Variants in SUSD6 observed in about 807,000 individuals in gnomAD.
SUSD6 encodes the protein sushi domain-containing protein 6.
SUSD6 carries 16 observed loss-of-function variants against 28.4 expected under a neutral mutation model. The ratio of observed to expected loss-of-function variants is 0.56; its 90% CI spans 0.38 to 0.86. SUSD6 has a LOEUF of 0.86. Ranked by LOEUF, SUSD6 falls within the 40% of genes least tolerant of loss-of-function variation. The pLI is 0.00. For missense variants in SUSD6, 341 were observed against 384.2 expected (o/e 0.89, Z 0.94); for synonymous variants, 147 against 159.6 (o/e 0.92, Z 0.59).
chr14:69,689,094 C>T (rs888375351), intron 2 of SUSD6, among the ~76,000 whole-genome samples: 5 of 152,166 alleles, frequency 3.3e-5, no homozygotes, highest in Admixed American at 6.5e-5. Flanking sequence ...CCTTTATCCC[C>T]GTCATAATCC....
At chr14:69,691,696 C>T (rs1886155100) in intron 2 of SUSD6, among the ~76,000 whole-genome samples, 1 of 152,140 alleles carries the variant, frequency 6.6e-6, no homozygotes, top group Admixed American at 6.6e-5. Flanking sequence ...AGGTCACATC[C>T]CCATTCTGCA....
At chr14:69,683,277 C>A (rs1398023004) in intron 2 of SUSD6, among the ~76,000 whole-genome samples, 1 of 152,106 alleles carries the variant, frequency 6.6e-6, no homozygotes, top group African/African-American at 2.4e-5. Context: ...GAGGTAACAG[C>A]CCTTCCAGAC....
At position 69,709,104 on chromosome 14, in the gene SUSD6, G is replaced by A. The variant is rs562259531; in HGVS notation, c.886G>A (p.Asp296Asn). The A allele has an allele frequency of 1.9e-6, 3 of 1,573,666 alleles. No individual in the cohort carries two copies. The South Asian group carries it at 3.5e-5, about 18-fold the overall frequency. ...CCTCACGTCAGAGGAGTACACAGATGGTGAGTGGTCCAAGCTGAACATGAA... is the reference window on the plus strand; with the variant it reads ...CCTCACGTCAGAGGAGTACACAGATAGTGAGTGGTCCAAGCTGAACATGAA... ...LSLTSEEYTDDIPLLKEA is the reference protein window; with the variant it reads ...LSLTSEEYTDNIPLLKEA Residue 296 changes from aspartate to asparagine, a missense_variant and splice_region_variant, in exon 5 of 6, where the codon GAT becomes AAT. Transcript: ENST00000342745.
chr14:69,613,729 G>T (rs10148264), intron 1 of SUSD6, among the ~76,000 whole-genome samples: 6,104 of 152,262 alleles, frequency 0.04, 436 homozygotes, highest in African/African-American at 0.14. Flanking sequence ...GACAGTATTG[G>T]TATGAGTCCT....
In SUSD6 at chr14:69,713,731, C is replaced by T. The variant is rs928822804; in HGVS notation, c.*2752C>T. 6.6e-6 allele frequency: 1 copy of T among 152,178 alleles called. No homozygotes were observed. Among genetic ancestry groups the T allele is most frequent in the Admixed American group, 6.5e-5 (1 of 15,274 alleles). 9.4% of individuals were successfully genotyped at this position (152,178 alleles called of 1,614,324 possible). On this transcript the variant is annotated 3_prime_UTR_variant, in exon 6 of 6. Coordinates refer to ENST00000342745, the MANE Select transcript of SUSD6 (RefSeq NM_014734.4). ...GGCCACAGCCCTGCTTTACCGGGCTCACCTCTAGGGCATTCCAGCAAGAGG... is the reference window on the plus strand; with the variant it reads ...GGCCACAGCCCTGCTTTACCGGGCTTACCTCTAGGGCATTCCAGCAAGAGG...
chr14:69,663,793 C>T (rs906344005), intron 2 of SUSD6, among the ~76,000 whole-genome samples: 10 of 152,114 alleles, frequency 6.6e-5, no homozygotes, highest in African/African-American at 1.9e-4. Flanking sequence ...CTGGGAGCCA[C>T]GCTACCTGTG....
At chr14:69,649,883 G>T (rs894012766) in intron 1 of SUSD6, among the ~76,000 whole-genome samples, 6 of 152,174 alleles carry the variant, frequency 3.9e-5, no homozygotes, top group African/African-American at 1.4e-4. Context: ...GGAAGCAGGA[G>T]GAGGAAAGAC....
Position 69,703,484 on chromosome 14 carries a change from G to A in SUSD6, c.211G>A (p.Glu71Lys), listed in dbSNP as rs747358560. 12 of 1,614,016 alleles carry A rather than the reference G, an allele frequency of 7.4e-6. No homozygotes were observed. The highest frequency in any genetic ancestry group is 3.3e-5 in the Admixed American group (2 of 60,000). The change falls in exon 3 of 6, where the codon GAA (glutamate) becomes AAA (lysine). Residue 71 changes from glutamate (E) to lysine (K), a missense_variant. Coordinates refer to ENST00000342745, the MANE Select transcript of SUSD6 (RefSeq NM_014734.4). ...RDPLTAGSVI[E>K]YLCAEGYMLK... The stretch of plus-strand genomic sequence containing the variant: ...CCCCCTGACAGCAGGCAGTGTCATC[G>A]AATACCTGTGTGCTGAAGGCTACAT...
intron 2 of SUSD6, among the ~76,000 whole-genome samples, chr14:69,675,094 C>T (rs979507992): frequency 6.6e-6 from 1 of 151,670 alleles, no homozygotes; most frequent in Non-Finnish European, 1.5e-5. Flanking sequence ...TCAGCTTTTT[C>T]ATTTACTGGA....
chr14:69,649,502 C>A (rs768455905), intron 1 of SUSD6, among the ~76,000 whole-genome samples: 2 of 152,216 alleles, frequency 1.3e-5, no homozygotes, highest in African/African-American at 4.8e-5. Context: ...TTTATATAAT[C>A]TTTTCCCTCT....
chr14:69,702,992 T>G (rs958521968), intron 2 of SUSD6, among the ~76,000 whole-genome samples: 3 of 152,186 alleles, frequency 2.0e-5, no homozygotes, highest in African/African-American at 7.2e-5. Flanking sequence ...TTTTCTGACA[T>G]TGATAGTGGA....
intron 1 of SUSD6, among the ~76,000 whole-genome samples, chr14:69,650,052 G>A (rs953201131): frequency 5.9e-5 from 9 of 152,168 alleles, no homozygotes; most frequent in Non-Finnish European, 1.2e-4. Flanking sequence ...TGGAGGGGAG[G>A]TAGTGCTAAG....
At chr14:69,694,036 C>G (rs149712076) in intron 2 of SUSD6, among the ~76,000 whole-genome samples, 3 of 152,206 alleles carry the variant, frequency 2.0e-5, no homozygotes. Context: ...TTGCAAGTCA[C>G]GTTGGTTTTC....
intron 1 of SUSD6, among the ~76,000 whole-genome samples, chr14:69,623,266 GTAATAACA>G (rs1885067766): frequency 6.6e-6 from 1 of 152,174 alleles, no homozygotes. Flanking sequence ...CATGTGCAGT[GTAATAACA>G]TTTTGCTGCA....
chr14:69,708,685 A>T lies in SUSD6; in HGVS notation c.467A>T (p.Gln156Leu). Reference sequence around the variant, plus strand: ...TTCCTCCTCCACTCCAGGCGTGACCAGGGGGTATCTGGGGACCAGGTCTCC... The same window carrying T: ...TTCCTCCTCCACTCCAGGCGTGACCTGGGGGTATCTGGGGACCAGGTCTCC... ...LKSFHHSRRD[Q>L]GVSGDQVSIM... The change falls in exon 5 of 6, where the codon CAG (glutamine) becomes CTG (leucine). Residue 156 changes from glutamine (Q) to leucine (L), a missense_variant. By Grantham distance (113) the Gln-to-Leu change is moderately radical (BLOSUM62 -2). Transcript: ENST00000342745. 1 of 1,573,666 alleles carries T rather than the reference A, an allele frequency of 6.4e-7. No individual in the cohort carries two copies. The highest frequency in any genetic ancestry group is 8.6e-7 in the Non-Finnish European group (1 of 1,157,884).
At chr14:69,612,421 A>C (rs3784142) in intron 1 of SUSD6, among the ~76,000 whole-genome samples, 16,226 of 152,170 alleles carry the variant, frequency 0.11, 2,375 homozygotes, top group African/African-American at 0.32. Context: ...GAAACCAGCT[A>C]TTTTCTTTCA....
chr14:69,666,591 T>A (rs1885745047), intron 2 of SUSD6, among the ~76,000 whole-genome samples: 1 of 152,242 alleles, frequency 6.6e-6, no homozygotes, highest in Admixed American at 6.5e-5. Context: ...TTTTGCTTCC[T>A]CTTGCTTTTC....
chr14:69,687,667 G>T (rs549016842), intron 2 of SUSD6, among the ~76,000 whole-genome samples: 172 of 152,304 alleles, frequency 1.1e-3, no homozygotes, highest in Admixed American at 2.2e-3. Context: ...CCACACTGGG[G>T]TACTATTATA....
intron 1 of SUSD6, among the ~76,000 whole-genome samples, chr14:69,649,752 G>C (rs1350626855): frequency 6.6e-6 from 1 of 152,188 alleles, no homozygotes; most frequent in African/African-American, 2.4e-5. Context: ...AGGCAGGGAT[G>C]CTGAGGGTTT....
Sources: allele counts gnomAD v4.1 joint callset (sites outside exome capture counted in the v4.1 genomes callset), GRCh38; gene constraint gnomAD v4.1.1; transcripts MANE v1.5; gene names NCBI Gene and HGNC (gene_info 2026-07-23, HGNC 2026-07-21).